The following MICB variants were observed in gnomAD, a reference collection of about 807,000 sequenced individuals.
MICB encodes the protein MHC class I antigen-related protein B.
MICB carries 27 observed loss-of-function variants against 34.3 expected under a neutral mutation model. The observed-to-expected ratio is 0.79, with a 90% CI of 0.58 to 1.08. MICB has a LOEUF of 1.08. MICB is among the 50% of genes least tolerant of loss of function. The pLI is 0.00. For synonymous variants in MICB, 153 were observed against 187.4 expected, an observed-to-expected ratio of 0.82 and a Z score of 1.50; for missense variants, 426 against 483.1, an observed-to-expected ratio of 0.88 and a Z score of 1.11.
Position 31,506,362 on chromosome 6 carries a change from C to G in MICB, c.545C>G (p.Ala182Gly). 6.2e-7 allele frequency: 1 copy of G among 1,614,210 alleles called. No homozygotes were observed. The highest frequency in any genetic ancestry group is 8.5e-7 in the Non-Finnish European group (1 of 1,180,038). ...DAMKTKTHYR[A>G]MQADCLQKLQ... The stretch of plus-strand genomic sequence containing the variant: ...ATGAAGACCAAGACACACTATCGCG[C>G]TATGCAGGCAGACTGCCTGCAGAAA... The change falls in exon 3 of 6, where the codon GCT becomes GGT. Residue 182 changes from alanine (A) to glycine (G), a missense_variant. Physicochemically the swap from Ala to Gly is moderately conservative, Grantham distance 60 (BLOSUM62 0). Transcript: ENST00000252229.
chr6:31,501,650 G>A (rs1355238449), intron 1 of MICB, among the ~76,000 whole-genome samples: 2 of 152,154 alleles, frequency 1.3e-5, no homozygotes, highest in Admixed American at 6.5e-5. Context: ...TTCTGCATAA[G>A]GATATCTAGT....
intron 1 of MICB, among the ~76,000 whole-genome samples, chr6:31,504,240 ATCTC>A (rs1242905063): frequency 1.3e-4 from 17 of 129,356 alleles, no homozygotes; most frequent in Non-Finnish European, 1.2e-4. Context: ...CTGGAAACTA[ATCTC>A]TCTCTTTTTC....
rs548345820 is a variant in MICB, at chr6:31,506,737, C to G, written c.614-285C>G. On this transcript the variant is annotated intron_variant, in intron 3 of 5. Coordinates refer to ENST00000252229, the MANE Select transcript of MICB (RefSeq NM_005931.5). ...CTGCCCCCTCTGCCTCCCGGCCTGCCCATCCCGGAGAGTTCCCTCCTGGCC... is the reference window on the plus strand; with the variant it reads ...CTGCCCCCTCTGCCTCCCGGCCTGCGCATCCCGGAGAGTTCCCTCCTGGCC... Among the ~76,000 whole-genome samples the G allele has an allele frequency of 5.2e-3, 796 of 152,240 alleles. 5 individuals are homozygous for G. Among genetic ancestry groups the G allele is most frequent in the African/African-American group, 0.012 (497 of 41,562 alleles).
At chr6:31,504,246 CTCTTTTTCTTTTTTTTTT>C (rs1199652376) in intron 1 of MICB, among the ~76,000 whole-genome samples, 1 of 103,892 alleles carries the variant, frequency 9.6e-6, no homozygotes, top group African/African-American at 3.9e-5. Context: ...ACTAATCTCT[CTCTTTTTCTTTTTTTTTT>C]TTTTTTTTTT....
intron 1 of MICB, among the ~76,000 whole-genome samples, chr6:31,501,012 A>G (rs1764992233): frequency 6.6e-6 from 1 of 152,086 alleles, no homozygotes; most frequent in African/African-American, 2.4e-5. Flanking sequence ...CCTCCACATT[A>G]TTTCCCACAG....
At chr6:31,508,158 A>G (rs1356089377) in intron 5 of MICB, among the ~76,000 whole-genome samples, 1 of 151,724 alleles carries the variant, frequency 6.6e-6, no homozygotes, top group Non-Finnish European at 1.5e-5. Flanking sequence ...TTTTCATCCT[A>G]CCTCCAGCGT....
Position 31,509,961 on chromosome 6 carries a change from A to G in MICB, c.*52A>G. ...AACTCCCTGCCTGGATCTCACCAGC[A>G]CTTTCCCTCTGTTTCCTGACCTATG... On this transcript the variant is annotated 3_prime_UTR_variant, in exon 6 of 6. Coordinates refer to ENST00000252229, the MANE Select transcript of MICB (RefSeq NM_005931.5). 6.6e-7 allele frequency: 1 copy of G among 1,521,144 alleles called. No individual in the cohort carries two copies. Among genetic ancestry groups the G allele is most frequent in the East Asian group, 2.3e-5 (1 of 42,878 alleles). 94.2% of individuals were successfully genotyped at this position (1,521,144 alleles called of 1,614,324 possible).
At chr6:31,495,814 G>A (rs3828898), upstream of MICB, among the ~76,000 whole-genome samples, 51,340 of 151,784 alleles carry the variant, frequency 0.34, 8,840 homozygotes, top group East Asian at 0.46. Context: ...TTGAGCCCAG[G>A]CATTTGAGGC....
upstream of MICB, among the ~76,000 whole-genome samples, chr6:31,497,464 G>A (rs946691626): frequency 1.3e-5 from 2 of 152,134 alleles, no homozygotes; most frequent in African/African-American, 2.4e-5. Context: ...ACTGAATAGA[G>A]AGGGGGCCCT....
At chr6:31,498,447 T>TC in intron 1 of MICB, among the ~76,000 whole-genome samples, 184 bp downstream of exon 1, 1 of 3,108 alleles carries the variant, frequency 3.2e-4, no homozygotes, top group Non-Finnish European at 6.7e-4. Context: ...CTCCCGTCTC[T>TC]TTTTTTTTTT....
chr6:31,499,548 CG>C (rs9281512), intron 1 of MICB, among the ~76,000 whole-genome samples: 1 of 151,534 alleles, frequency 6.6e-6, no homozygotes, highest in African/African-American at 2.4e-5. Context: ...GCCTTTTGTC[CG>C]GGGGGGTCTT....
upstream of MICB, chr6:31,496,890 G>T (rs1764697780): frequency 6.6e-6 from 1 of 152,510 alleles, no homozygotes; most frequent in Non-Finnish European, 1.5e-5. Context: ...GTGGCATCCT[G>T]GTGGGATAGG....
upstream of MICB, chr6:31,494,939 C>T (rs1354148868): frequency 2.7e-5 from 4 of 147,850 alleles, no homozygotes; most frequent in Admixed American, 7.1e-5. Context: ...CCTGCAGTGG[C>T]GCCTAAAGTC....
intron 1 of MICB, among the ~76,000 whole-genome samples, chr6:31,501,181 G>A (rs1455223927): frequency 3.9e-5 from 6 of 152,146 alleles, no homozygotes; most frequent in Non-Finnish European, 5.9e-5. Context: ...ATCTGATGAC[G>A]AATGATGTTG....
upstream of MICB, chr6:31,496,618 G>C (rs965447525): frequency 4.6e-5 from 7 of 151,198 alleles, no homozygotes; most frequent in African/African-American, 1.7e-4. Flanking sequence ...TGCCCACCTC[G>C]ACCTCCCAAA....
Position 31,507,033 on chromosome 6 carries a change from G to C in MICB, c.625G>C (p.Val209Leu). The change falls in exon 4 of 6, where the codon GTG becomes CTG. Residue 209 changes from valine to leucine, a missense_variant. By Grantham distance (32) the Val-to-Leu change is conservative. Coordinates refer to ENST00000252229, the MANE Select transcript of MICB (RefSeq NM_005931.5). This position sits in a 1 kb window ranked among gnomAD's most constrained non-coding sequence, Gnocchi z 6.0. ...VAIRRTVPPM[V>L]NVTCSEVSEG... ...CCTTTCTTCTCCAGTGCCCCCCATG[G>C]TGAATGTCACCTGCAGCGAGGTCTC... The C allele has an allele frequency of 6.2e-7, 1 of 1,613,478 alleles. No homozygotes were observed. The highest frequency in any genetic ancestry group is 8.5e-7 in the Non-Finnish European group (1 of 1,179,562).
intron 3 of MICB, 55 bp downstream of exon 3, chr6:31,506,485 C>A: frequency 6.4e-7 from 1 of 1,568,496 alleles, no homozygotes; most frequent in South Asian, 1.2e-5. Context: ...AGAGTTGCCT[C>A]GCCTCCCAGC....
rs772831299 is a variant in MICB at position 31,507,462 on chromosome 6, T to C, written c.955T>C (p.Cys319Arg). The C allele has an allele frequency of 6.2e-7, 1 of 1,614,082 alleles. No individual in the cohort carries two copies. Among genetic ancestry groups the C allele is most frequent in the Non-Finnish European group, 8.5e-7 (1 of 1,179,996 alleles). ...DFPYVSAAMP[C>R]FVIIIILCVP... Reference sequence around the variant, plus strand: ...TCCATATGTTTCTGCTGCTATGCCATGTTTTGTTATTATTATTATTCTCTG... The same window carrying C: ...TCCATATGTTTCTGCTGCTATGCCACGTTTTGTTATTATTATTATTCTCTG... The change falls in exon 5 of 6, where the codon TGT (cysteine) becomes CGT (arginine). Residue 319 changes from cysteine (C) to arginine (R), a missense_variant. Coordinates refer to ENST00000252229, the MANE Select transcript of MICB (RefSeq NM_005931.5). The surrounding 1 kb of genome is among the most constrained non-coding windows in gnomAD (Gnocchi z 6.0).
At chr6:31,502,896 G>A (rs3095230) in intron 1 of MICB, among the ~76,000 whole-genome samples, 122,174 of 152,152 alleles carry the variant, frequency 0.8, 49,334 homozygotes, top group East Asian at 0.91. Flanking sequence ...TATGGCTTTT[G>A]TTATATTGAG....
Sources: allele counts gnomAD v4.1 joint callset (sites outside exome capture counted in the v4.1 genomes callset), GRCh38; gene constraint gnomAD v4.1.1; non-coding constraint Gnocchi (gnomAD v3.1); transcripts MANE v1.5; gene names NCBI Gene and HGNC (gene_info 2026-07-23, HGNC 2026-07-21).